SMCO2: variants seen among roughly 807,000 people sequenced by gnomAD.
SMCO2 encodes single-pass membrane protein with coiled-coil domains 2.
A neutral mutation model predicts 29.5 loss-of-function variants in SMCO2; 25 were observed. The ratio of observed to expected loss-of-function variants is 0.85; its 90% CI spans 0.62 to 1.18. The LOEUF (loss-of-function observed/expected upper bound fraction) is 1.18. SMCO2 is among the 50% of genes most tolerant of loss of function. SMCO2 has a pLI of 0.00. For missense variants in SMCO2, 348 were observed against 344.5 expected (o/e 1.01, Z -0.08); for synonymous variants, 117 against 123.3 (o/e 0.95, Z 0.34).
exon 4 of SMCO2, chr12:27,474,850 A>C: frequency 6.4e-7 from 1 of 1,551,614 alleles, no homozygotes; most frequent in Non-Finnish European, 8.7e-7. Context: ...CAAGAAACAG[A>C]TGTTGATGAG....
At chr12:27,475,037 C>T in intron 4 of SMCO2, 124 bp downstream of exon 4, 2 of 1,160,258 alleles carry the variant, frequency 1.7e-6, no homozygotes, top group African/African-American at 1.5e-5. Context: ...AACCATAAAG[C>T]AGTCCTGTGC....
At chr12:27,482,359 T>A (rs1217132956) in intron 4 of SMCO2, among the ~76,000 whole-genome samples, 1 of 152,218 alleles carries the variant, frequency 6.6e-6, no homozygotes, top group Non-Finnish European at 1.5e-5. Context: ...TGGAGTGCAA[T>A]AGCATGATCT....
At chr12:27,427,306 G>A in the SMCO2 span, among the ~76,000 whole-genome samples, 7 of 152,304 alleles carry the variant, frequency 4.6e-5, no homozygotes, top group East Asian at 1.3e-3. Flanking sequence ...TTCTGATTCA[G>A]TTGGTCTGAC....
the SMCO2 span, among the ~76,000 whole-genome samples, chr12:27,453,477 G>A: frequency 3.3e-5 from 5 of 152,296 alleles, no homozygotes; most frequent in Admixed American, 3.3e-4. Context: ...TGTCACATAT[G>A]CTCAGACATG....
chr12:27,487,220 A>G (rs1158718127), intron 4 of SMCO2, among the ~76,000 whole-genome samples: 1 of 152,172 alleles, frequency 6.6e-6, no homozygotes, highest in Non-Finnish European at 1.5e-5. Flanking sequence ...CCCTTTATAC[A>G]TATATTTCCT....
the SMCO2 span, among the ~76,000 whole-genome samples, chr12:27,451,427 CTA>C: frequency 6.6e-6 from 1 of 152,134 alleles, no homozygotes. Flanking sequence ...GGTCCCCTCT[CTA>C]GTCACATTTT....
At chr12:27,466,207 A>C (rs1949497282), upstream of SMCO2, among the ~76,000 whole-genome samples, 1 of 152,148 alleles carries the variant, frequency 6.6e-6, no homozygotes, top group Non-Finnish European at 1.5e-5. Flanking sequence ...GGATCCCTTG[A>C]GGTCAGGAGT....
At chr12:27,426,894 G>C in the SMCO2 span, among the ~76,000 whole-genome samples, 2 of 152,144 alleles carry the variant, frequency 1.3e-5, no homozygotes, top group African/African-American at 4.8e-5. Context: ...CATCTATAAG[G>C]CATTTTAAAA....
exon 2 of SMCO2, chr12:27,470,746 A>G: frequency 6.4e-7 from 1 of 1,551,030 alleles, no homozygotes; most frequent in Non-Finnish European, 8.7e-7. Flanking sequence ...GCTCAATGTG[A>G]CTGAAGGTGC....
intron 5 of SMCO2, among the ~76,000 whole-genome samples, chr12:27,492,925 A>G (rs1942942519): frequency 6.6e-6 from 1 of 152,188 alleles, no homozygotes; most frequent in Admixed American, 6.5e-5. Context: ...AAGACATAGA[A>G]TCAACCTAAA....
chr12:27,491,730 G>A (rs1315921993), intron 5 of SMCO2, among the ~76,000 whole-genome samples: 2 of 146,492 alleles, frequency 1.4e-5, no homozygotes, highest in African/African-American at 5.1e-5. Context: ...TTTTGAGATA[G>A]TCTCATTCTG....
the SMCO2 span, among the ~76,000 whole-genome samples, chr12:27,431,203 G>A: frequency 2.0e-5 from 3 of 152,180 alleles, no homozygotes; most frequent in East Asian, 5.8e-4. Flanking sequence ...TTTTAGTAGA[G>A]ATGGGTTTTC....
the SMCO2 span, among the ~76,000 whole-genome samples, chr12:27,439,028 T>C: frequency 1.3e-5 from 2 of 152,154 alleles, no homozygotes; most frequent in Non-Finnish European, 2.9e-5. Context: ...ATTGAGGTGG[T>C]TAATAAGCTT....
upstream of SMCO2, among the ~76,000 whole-genome samples, chr12:27,465,126 A>C (rs1949489316): frequency 6.6e-6 from 1 of 152,038 alleles, no homozygotes; most frequent in African/African-American, 2.4e-5. Context: ...CAGTACGCGA[A>C]GTGTGGTCTA....
In SMCO2 at chr12:27,495,998, T is replaced by C. The variant is rs306647; in HGVS notation, c.683+143T>C. 3,612 of 797,042 alleles carry C rather than the reference T, an allele frequency of 4.5e-3. 279 individuals are homozygous for C. In the African/African-American group the frequency reaches 0.054, roughly 12 times the overall value. The allele number at this position is 797,042 out of a possible 1,614,324, so 49.4% of individuals were successfully genotyped here. ...AATTATCTATGTTCTTTAAAAGTCA[T>C]TGGAGTTCATTGGAGTCATGGGATT... On this transcript the variant is annotated intron_variant, in intron 7 of 7. Transcript: ENST00000298876.
chr12:27,428,145 T>C, the SMCO2 span, among the ~76,000 whole-genome samples: 1 of 151,766 alleles, frequency 6.6e-6, no homozygotes, highest in East Asian at 1.9e-4. Flanking sequence ...ATTGGGGAGG[T>C]TGGGAATACT....
chr12:27,471,427 A>G (rs572422921), intron 2 of SMCO2, among the ~76,000 whole-genome samples: 3 of 152,212 alleles, frequency 2.0e-5, no homozygotes, highest in Admixed American at 2.0e-4. Context: ...AAGTGACTCA[A>G]TACCCCCTCA....
At chr12:27,454,024 A>G in the SMCO2 span, among the ~76,000 whole-genome samples, 115,006 of 151,980 alleles carry the variant, frequency 0.76, 43,812 homozygotes, top group Middle Eastern at 0.91. Context: ...TCACTCTGTC[A>G]CCCAGGCTGG....
chr12:27,477,519 AT>A (rs1257036161), intron 4 of SMCO2, among the ~76,000 whole-genome samples: 8 of 150,444 alleles, frequency 5.3e-5, no homozygotes, highest in South Asian at 2.1e-4. Flanking sequence ...ATTTCATTAA[AT>A]TTTTTTTAAT....
Sources: gnomAD v4.1 joint callset for allele counts (sites outside exome capture counted in the v4.1 genomes callset) on GRCh38, gnomAD v4.1.1 for gene constraint, MANE v1.5 for transcripts, NCBI Gene and HGNC (gene_info 2026-07-23, HGNC 2026-07-21) for gene names.